SLC44A5: variants seen among roughly 807,000 people sequenced by gnomAD.
The protein encoded by SLC44A5 is solute carrier family 44 member 5, also known as choline transporter-like protein 5.
SLC44A5 carries 57 observed loss-of-function variants against 101.8 expected under a neutral mutation model. The ratio of observed to expected loss-of-function variants is 0.56; its 90% confidence interval spans 0.45 to 0.70. The LOEUF (loss-of-function observed/expected upper bound fraction) is 0.70. Among genes scored for constraint, SLC44A5 ranks in the 30% least tolerant of loss-of-function variants. SLC44A5 has a pLI of 0.00. For synonymous variants in SLC44A5, 281 were observed against 290.9 expected (o/e 0.97, Z 0.35); for missense variants, 737 against 853.1 (o/e 0.86, Z 1.70).
At chr1:75,206,801 A>C in intron 23 of SLC44A5, 1 of 806,818 alleles carries the variant, frequency 1.2e-6, no homozygotes, top group East Asian at 2.6e-5. Flanking sequence ...AGGGTCGAAC[A>C]GGGAAAAATC....
chr1:75,536,254 C>T (rs1670991792), intron 2 of SLC44A5, among the ~76,000 whole-genome samples: 1 of 152,046 alleles, frequency 6.6e-6, no homozygotes, highest in South Asian at 2.1e-4. Context: ...ACTAATTTCC[C>T]AGCAGAGTCC....
the SLC44A5 span, chr1:75,677,682 G>T: frequency 2.4e-6 from 1 of 415,606 alleles, no homozygotes; most frequent in East Asian, 8.7e-5. Context: ...AAAACGTAGA[G>T]TAACTAAATG....
At chr1:75,512,669 G>A (rs1041005665) in intron 2 of SLC44A5, among the ~76,000 whole-genome samples, 16 of 152,158 alleles carry the variant, frequency 1.1e-4, no homozygotes, top group Admixed American at 2.6e-4. Flanking sequence ...ACTATGAAGC[G>A]TAGTGATCAT....
intron 3 of SLC44A5, among the ~76,000 whole-genome samples, chr1:75,368,113 G>A (rs533751541): frequency 7.9e-5 from 12 of 152,272 alleles, no homozygotes; most frequent in South Asian, 2.1e-4. Context: ...GGTATTAGAA[G>A]AGAATATCAA....
intron 4 of SLC44A5, among the ~76,000 whole-genome samples, chr1:75,336,798 A>AT (rs1657478415): frequency 2.0e-5 from 3 of 152,108 alleles, no homozygotes; most frequent in Admixed American, 6.5e-5. Flanking sequence ...TCCACACCAT[A>AT]TGCAGTGTCA....
intron 3 of SLC44A5, among the ~76,000 whole-genome samples, chr1:75,343,048 C>T (rs1439380317): frequency 6.6e-6 from 1 of 152,066 alleles, no homozygotes; most frequent in Non-Finnish European, 1.5e-5. Flanking sequence ...CTAATTGCGT[C>T]TCTGGAATAA....
intron 2 of SLC44A5, among the ~76,000 whole-genome samples, chr1:75,410,284 C>T (rs986427906): frequency 6.6e-5 from 10 of 152,124 alleles, no homozygotes; most frequent in African/African-American, 2.4e-4. Context: ...AAAGGATAGA[C>T]TTGGCCATAA....
intron 2 of SLC44A5, among the ~76,000 whole-genome samples, chr1:75,506,059 T>C (rs1669237059): frequency 6.6e-6 from 1 of 152,166 alleles, no homozygotes; most frequent in African/African-American, 2.4e-5. Flanking sequence ...AGTTTCATTC[T>C]TCTGCATATG....
At chr1:75,505,434 G>T (rs1669198330) in intron 2 of SLC44A5, among the ~76,000 whole-genome samples, 1 of 152,128 alleles carries the variant, frequency 6.6e-6, no homozygotes, top group South Asian at 2.1e-4. Flanking sequence ...TCTCCAAACT[G>T]CTTTCCACAG....
chr1:75,480,870 C>T (rs1032479015), intron 2 of SLC44A5, among the ~76,000 whole-genome samples: 1 of 152,162 alleles, frequency 6.6e-6, no homozygotes, highest in Non-Finnish European at 1.5e-5. Context: ...ATCAAGCTAC[C>T]AATGACTTTC....
chr1:75,670,086 A>G, the SLC44A5 span, among the ~76,000 whole-genome samples: 1 of 152,216 alleles, frequency 6.6e-6, no homozygotes, highest in Non-Finnish European at 1.5e-5. Flanking sequence ...ACAAATTACA[A>G]GACTTCTAAA....
chr1:75,633,123 GAATA>G, the SLC44A5 span, among the ~76,000 whole-genome samples: 4 of 152,148 alleles, frequency 2.6e-5, no homozygotes, highest in Non-Finnish European at 5.9e-5. Flanking sequence ...AATGTTTGTT[GAATA>G]AAGTTTATAA....
At position 75,581,986 on chromosome 1, in the gene SLC44A5, C is replaced by T. The variant is rs182047388; in HGVS notation, c.-70+29054G>A. On this transcript the variant is annotated intron_variant, in intron 1 of 23. Transcript: ENST00000370859. ...TCTTTCTTTAAAAATTACCCAGCCT[C>T]GGGTGTTCTTTTACAGTAATGCAAA... 2,159 of 469,136 alleles carry T rather than the reference C, an allele frequency of 4.6e-3. 20 individuals carry two copies. Among genetic ancestry groups the T allele is most frequent in the Non-Finnish European group, 6.3e-3 (1,648 of 260,866 alleles). 29.1% of individuals were successfully genotyped at this position (469,136 alleles called of 1,614,324 possible). A position where few individuals can be genotyped will look rare whatever the true frequency, so the allele number is the denominator to read the frequency against.
chr1:75,720,623 T>C, the SLC44A5 span, among the ~76,000 whole-genome samples: 1 of 152,180 alleles, frequency 6.6e-6, no homozygotes, highest in South Asian at 2.1e-4. Flanking sequence ...TCAAATAGCA[T>C]TGTCAACAAA....
At chr1:75,611,926 C>T (rs1183878674), upstream of SLC44A5, among the ~76,000 whole-genome samples, 1 of 152,052 alleles carries the variant, frequency 6.6e-6, no homozygotes, top group African/African-American at 2.4e-5. Context: ...ATGTTCTGGA[C>T]CCCTCAGAAT....
chr1:75,702,702 T>G, the SLC44A5 span, among the ~76,000 whole-genome samples: 1 of 152,132 alleles, frequency 6.6e-6, no homozygotes, highest in Admixed American at 6.5e-5. Context: ...CAAAAGAAAC[T>G]ACCATCAGAC....
the SLC44A5 span, among the ~76,000 whole-genome samples, chr1:75,691,272 C>A: frequency 6.6e-6 from 1 of 152,106 alleles, no homozygotes; most frequent in African/African-American, 2.4e-5. Context: ...TTTGACAGGT[C>A]TTTTAGCCAT....
At chr1:75,252,925 C>T (rs1450179879) in intron 6 of SLC44A5, among the ~76,000 whole-genome samples, 1 of 152,024 alleles carries the variant, frequency 6.6e-6, no homozygotes, top group African/African-American at 2.4e-5. Context: ...GGAGGGCAAA[C>T]CAAAGCTGAT....
the SLC44A5 span, among the ~76,000 whole-genome samples, chr1:75,658,086 G>GTTT: frequency 6.6e-6 from 1 of 151,974 alleles, no homozygotes; most frequent in Non-Finnish European, 1.5e-5. Flanking sequence ...TATGGTTTTT[G>GTTT]TTGTTGTTGT....
Sources: allele counts gnomAD v4.1 joint callset (sites outside exome capture counted in the v4.1 genomes callset), GRCh38; gene constraint gnomAD v4.1.1; transcripts MANE v1.5; gene names NCBI Gene and HGNC (gene_info 2026-07-23, HGNC 2026-07-21).